SAMMSON: variants seen among roughly 807,000 people sequenced by gnomAD.
SAMMSON encodes long intergenic non-protein coding RNA 1212.
chr3:70,005,626 C>T (rs546125078), intron 1 of SAMMSON, among the ~76,000 whole-genome samples: 1 of 152,152 alleles, frequency 6.6e-6, no homozygotes, highest in African/African-American at 2.4e-5. Flanking sequence ...GGACCAGATT[C>T]AGAAAAAGGG....
At chr3:70,023,388 G>C (rs575675987) in intron 3 of SAMMSON, among the ~76,000 whole-genome samples, 2 of 151,932 alleles carry the variant, frequency 1.3e-5, no homozygotes, top group African/African-American at 4.8e-5. Context: ...GTGAATCCAG[G>C]AGGTGGAGCT....
At chr3:70,363,595 T>C (rs979143237) in intron 9 of SAMMSON, among the ~76,000 whole-genome samples, 23 of 152,034 alleles carry the variant, frequency 1.5e-4, no homozygotes, top group African/African-American at 5.1e-4. Flanking sequence ...AAGAGGACTA[T>C]GTATGTGCAT....
At position 70,292,564 on chromosome 3, in the gene SAMMSON, G is replaced by T. The variant is rs755704866; in HGVS notation, n.739+1321G>T. On this transcript the variant is annotated intron_variant and non_coding_transcript_variant, in intron 7 of 9. Coordinates refer to ENST00000642114, the Ensembl canonical transcript of SAMMSON. ...TTAAAAAAGGATAGTTTATAAACTT[G>T]TAAGTATTTTTTATGCCAAACTATT... is the stretch of plus-strand genomic sequence containing the variant. Among the ~76,000 whole-genome samples, 12 of 152,082 alleles carry T rather than the reference G, an allele frequency of 7.9e-5. 1 individual carries two copies. The highest frequency in any genetic ancestry group is 2.9e-5 in the Non-Finnish European group (2 of 67,980).
At chr3:70,062,373 G>A (rs576143459) in intron 3 of SAMMSON, among the ~76,000 whole-genome samples, 6 of 152,078 alleles carry the variant, frequency 3.9e-5, no homozygotes, top group South Asian at 4.2e-4. Context: ...GGTCAAAACC[G>A]GACAAATACT....
intron 9 of SAMMSON, among the ~76,000 whole-genome samples, chr3:70,360,547 C>T (rs1295374870): frequency 6.6e-6 from 1 of 152,126 alleles, no homozygotes; most frequent in Non-Finnish European, 1.5e-5. Flanking sequence ...AGCACCATCT[C>T]CCAGACCAGC....
intron 3 of SAMMSON, among the ~76,000 whole-genome samples, chr3:70,017,393 T>C (rs1050259931): frequency 2.0e-5 from 3 of 151,998 alleles, no homozygotes; most frequent in African/African-American, 7.3e-5. Context: ...CTGTCTGTTA[T>C]TGGTGTATAA....
At chr3:70,207,363 G>A (rs1297904271) in intron 4 of SAMMSON, among the ~76,000 whole-genome samples, 5 of 151,988 alleles carry the variant, frequency 3.3e-5, no homozygotes, top group African/African-American at 9.7e-5. Flanking sequence ...TCCTATTCAG[G>A]TGATAGCCTG....
At chr3:70,194,947 G>T (rs965918688) in intron 4 of SAMMSON, among the ~76,000 whole-genome samples, 1 of 152,126 alleles carries the variant, frequency 6.6e-6, no homozygotes, top group East Asian at 1.9e-4. Flanking sequence ...ACTAGGAGGT[G>T]CAAGGAAACA....
At chr3:70,369,808 G>T (rs1702951959) in intron 9 of SAMMSON, among the ~76,000 whole-genome samples, 1 of 151,670 alleles carries the variant, frequency 6.6e-6, no homozygotes, top group Admixed American at 6.6e-5. Flanking sequence ...TCATTTCTAT[G>T]TGTTGGGGGC....
At chr3:70,082,929 T>A (rs2067272065) in intron 4 of SAMMSON, among the ~76,000 whole-genome samples, 1 of 152,176 alleles carries the variant, frequency 6.6e-6, no homozygotes, top group Admixed American at 6.5e-5. Context: ...TTGACCAAGA[T>A]CACATTGGCT....
At chr3:70,286,210 A>T (rs917940289) in intron 6 of SAMMSON, among the ~76,000 whole-genome samples, 5 of 152,122 alleles carry the variant, frequency 3.3e-5, no homozygotes, top group Non-Finnish European at 7.4e-5. Flanking sequence ...TTTAAGTCTT[A>T]CATCCATCTT....
intron 3 of SAMMSON, among the ~76,000 whole-genome samples, chr3:70,052,802 G>A (rs2067151284): frequency 6.6e-6 from 1 of 152,092 alleles, no homozygotes; most frequent in African/African-American, 2.4e-5. Flanking sequence ...GGAGTTAGAG[G>A]TTGGGAGAAT....
intron 4 of SAMMSON, among the ~76,000 whole-genome samples, chr3:70,098,776 A>G (rs1468538458): frequency 6.6e-6 from 1 of 152,200 alleles, no homozygotes; most frequent in Non-Finnish European, 1.5e-5. Context: ...AAAAAATATT[A>G]TCAGAATAAG....
intron 8 of SAMMSON, among the ~76,000 whole-genome samples, chr3:70,357,427 G>A (rs535332963): frequency 2.3e-4 from 35 of 152,194 alleles, no homozygotes; most frequent in African/African-American, 8.2e-4. Context: ...ATGCCTATTT[G>A]TAAAATATGT....
intron 4 of SAMMSON, among the ~76,000 whole-genome samples, chr3:70,168,779 T>C (rs1348341386): frequency 6.6e-6 from 1 of 152,118 alleles, no homozygotes; most frequent in South Asian, 2.1e-4. Flanking sequence ...ACCTTGCTTA[T>C]TATGTTTCTC....
intron 4 of SAMMSON, among the ~76,000 whole-genome samples, chr3:70,195,032 G>C (rs1162841465): frequency 6.6e-6 from 1 of 152,150 alleles, no homozygotes; most frequent in South Asian, 2.1e-4. Context: ...GTACCAGCTG[G>C]ACTGAGAATT....
chr3:70,045,050 T>C, intron 3 of SAMMSON, among the ~76,000 whole-genome samples: 1 of 118,582 alleles, frequency 8.4e-6, no homozygotes, highest in Admixed American at 1.0e-4. Flanking sequence ...TTAATATATA[T>C]AATTAATTAT....
exon 7 of SAMMSON, chr3:70,291,194 C>T (rs1702235793): frequency 6.6e-6 from 1 of 152,176 alleles, no homozygotes; most frequent in South Asian, 2.1e-4. Context: ...TGGAGCCAGA[C>T]TGTCTGGGGT....
chr3:70,049,200 G>C lies in SAMMSON; in HGVS notation n.418-22276G>C, dbSNP rs139654261. On this transcript the variant is annotated intron_variant and non_coding_transcript_variant, in intron 3 of 9. Coordinates refer to ENST00000642114, the Ensembl canonical transcript of SAMMSON. ...CTCAAGGAGCTCTTAGTACATTGTC[G>C]GGACAAGTAGTCACCATGGAGTTTG... is the stretch of plus-strand genomic sequence containing the variant. Among the ~76,000 whole-genome samples, 259 of 152,132 alleles carry C rather than the reference G, an allele frequency of 1.7e-3. 1 individual carries two copies. The highest frequency in any genetic ancestry group is 0.011 in the East Asian group (59 of 5,152).
Sources: allele counts gnomAD v4.1 joint callset (sites outside exome capture counted in the v4.1 genomes callset), GRCh38; gene constraint gnomAD v4.1.1; transcripts MANE v1.5; gene names NCBI Gene and HGNC (gene_info 2026-07-23, HGNC 2026-07-21).